Variants in DPP10 observed in about 807,000 individuals in gnomAD.
DPP10 encodes inactive dipeptidyl peptidase 10.
Under a neutral mutation model 120.9 loss-of-function variants are expected in DPP10, and 33 were observed. The ratio of observed to expected loss-of-function variants is 0.27; its 90% CI spans 0.21 to 0.37. The LOEUF (loss-of-function observed/expected upper bound fraction) is 0.37, where lower values mean the gene tolerates loss of function less well. Ranked by LOEUF, DPP10 falls within the 10% of genes least tolerant of loss-of-function variation. The pLI, the probability that DPP10 is intolerant of heterozygous loss-of-function variation, is 1.00. For missense variants in DPP10, 816 were observed against 942.8 expected (o/e 0.87, Z 1.76); for synonymous variants, 337 against 326.1 (o/e 1.03, Z -0.36).
intron 1 of DPP10, among the ~76,000 whole-genome samples, chr2:114,822,883 C>A (rs2106363653): frequency 6.6e-6 from 1 of 152,332 alleles, no homozygotes; most frequent in African/African-American, 2.4e-5. Context: ...CTGAGACCAC[C>A]TCAGCCTGGA....
At chr2:114,542,647 C>T (rs1200064752) in intron 1 of DPP10, among the ~76,000 whole-genome samples, 1 of 152,112 alleles carries the variant, frequency 6.6e-6, no homozygotes, top group African/African-American at 2.4e-5. Context: ...AGCCGTGTGA[C>T]CCTGGGTGTC....
At chr2:115,517,136 G>A (rs1295282400) in intron 4 of DPP10, among the ~76,000 whole-genome samples, 3 of 152,040 alleles carry the variant, frequency 2.0e-5, no homozygotes, top group African/African-American at 7.2e-5. Context: ...GGAAGCAATT[G>A]CACGTGTATT....
intron 1 of DPP10, among the ~76,000 whole-genome samples, chr2:114,623,987 C>G (rs866449968): frequency 5.3e-5 from 8 of 151,994 alleles, no homozygotes; most frequent in South Asian, 2.1e-4. Flanking sequence ...TGATGGTACT[C>G]ATAGGATTGT....
intron 3 of DPP10, among the ~76,000 whole-genome samples, chr2:115,396,614 TACTC>T (rs2067697615): frequency 6.6e-6 from 1 of 152,238 alleles, no homozygotes; most frequent in African/African-American, 2.4e-5. Context: ...TCTTGTTAAA[TACTC>T]AAAGAAAGAA....
intron 8 of DPP10, among the ~76,000 whole-genome samples, chr2:115,730,586 A>G (rs1285334524): frequency 6.6e-6 from 1 of 152,206 alleles, no homozygotes; most frequent in African/African-American, 2.4e-5. Flanking sequence ...AATTAAGATG[A>G]CTTGGGTCTC....
chr2:115,189,303 G>A (rs923569058), intron 1 of DPP10, among the ~76,000 whole-genome samples: 8 of 152,134 alleles, frequency 5.3e-5, no homozygotes, highest in African/African-American at 1.9e-4. Flanking sequence ...CGGAGTGGCG[G>A]GGTGAGTAGT....
chr2:114,957,537 G>T (rs1329029204), intron 1 of DPP10, among the ~76,000 whole-genome samples: 1 of 152,032 alleles, frequency 6.6e-6, no homozygotes, highest in African/African-American at 2.4e-5. Context: ...CTCTATGGAA[G>T]TTCCTCAATA....
At chr2:115,660,655 C>CTTTTTTTTTTTTTTTTTTTT in intron 5 of DPP10, among the ~76,000 whole-genome samples, 3 of 25,324 alleles carry the variant, frequency 1.2e-4, no homozygotes, top group African/African-American at 1.9e-4. Flanking sequence ...CTCTGTCTGG[C>CTTTTTTTTTTTTTTTTTTTT]TTTTTTTTTT....
At chr2:115,021,658 T>G (rs1703084370) in intron 1 of DPP10, among the ~76,000 whole-genome samples, 1 of 152,030 alleles carries the variant, frequency 6.6e-6, no homozygotes, top group South Asian at 2.1e-4. Flanking sequence ...CTAAATCGTT[T>G]TATGAAGCCA....
intron 1 of DPP10, among the ~76,000 whole-genome samples, chr2:114,822,352 AC>A (rs1686166355): frequency 6.6e-6 from 1 of 152,072 alleles, no homozygotes; most frequent in Admixed American, 6.5e-5. Context: ...GACACAGGAC[AC>A]CAAGTCCCTA....
At chr2:115,588,511 C>T (rs751253144) in intron 5 of DPP10, among the ~76,000 whole-genome samples, 1 of 152,170 alleles carries the variant, frequency 6.6e-6, no homozygotes, top group Non-Finnish European at 1.5e-5. Context: ...AAGAAACAGA[C>T]ATTGATCTTC....
intron 19 of DPP10, among the ~76,000 whole-genome samples, chr2:115,808,724 CA>C (rs1175827786): frequency 2.6e-5 from 4 of 152,194 alleles, no homozygotes; most frequent in African/African-American, 9.7e-5. Context: ...GTCATGAATG[CA>C]GGCAACCTTT....
Position 114,467,998 on chromosome 2 carries a change from G to A in DPP10, c.60+25160G>A, listed in dbSNP as rs80262542. Among the ~76,000 whole-genome samples, 490 of 152,250 alleles carry A rather than the reference G, an allele frequency of 3.2e-3. 2 individuals are homozygous for A. The highest frequency in any genetic ancestry group is 5.3e-3 in the Non-Finnish European group (363 of 68,016). On this transcript the variant is annotated intron_variant, in intron 1 of 25. Transcript: ENST00000410059. ...TTGCAGCCACTGCACTTCAGTTGGT[G>A]CCACAGAGTGATACACCATCTTAGT...
chr2:115,161,908 G>A (rs1310820480), intron 1 of DPP10: 16 of 1,408,100 alleles, frequency 1.1e-5, no homozygotes, highest in East Asian at 3.3e-5. Flanking sequence ...GACGGTCCCC[G>A]AGTCTGAAGC....
At chr2:115,502,484 A>C (rs1036325845) in intron 4 of DPP10, among the ~76,000 whole-genome samples, 1 of 152,164 alleles carries the variant, frequency 6.6e-6, no homozygotes, top group Non-Finnish European at 1.5e-5. Context: ...ACAAAAGCTC[A>C]GTCACAATGT....
At chr2:115,817,504 C>A (rs1373704219) in intron 21 of DPP10, among the ~76,000 whole-genome samples, 1 of 152,096 alleles carries the variant, frequency 6.6e-6, no homozygotes, top group Non-Finnish European at 1.5e-5. Context: ...AAATCACGAC[C>A]ATCCTCTCTC....
intron 1 of DPP10, among the ~76,000 whole-genome samples, chr2:114,682,562 G>T (rs931753770): frequency 6.8e-6 from 1 of 147,288 alleles, no homozygotes; most frequent in Non-Finnish European, 1.5e-5. Context: ...AATTGCAATC[G>T]ATGGGTAATT....
At position 114,875,052 on chromosome 2, in the gene DPP10, G is replaced by A. The variant is rs1253504228; in HGVS notation, c.60+432214G>A. Among the ~76,000 whole-genome samples the A allele has an allele frequency of 3.9e-5, 6 of 152,260 alleles. No homozygotes were observed. The East Asian group carries it at 1.2e-3, about 29-fold the overall frequency. ...GCCACAATTATTCTGTCATCTGGAT[G>A]TTGTTGTATTCTTCCATGCTAAAAG... On this transcript the variant is annotated intron_variant, in intron 1 of 25. Coordinates refer to ENST00000410059, the MANE Select transcript of DPP10 (RefSeq NM_020868.6).
intron 5 of DPP10, among the ~76,000 whole-genome samples, chr2:115,671,235 T>C (rs1295479593): frequency 1.3e-5 from 2 of 151,964 alleles, no homozygotes; most frequent in African/African-American, 4.8e-5. Flanking sequence ...GTAAGAAAAA[T>C]ATATACATTT....
Sources: gnomAD v4.1 joint callset for allele counts (sites outside exome capture counted in the v4.1 genomes callset) on GRCh38, gnomAD v4.1.1 for gene constraint, MANE v1.5 for transcripts, NCBI Gene and HGNC (gene_info 2026-07-23, HGNC 2026-07-21) for gene names.